CNNM2: variants seen among roughly 807,000 people sequenced by gnomAD.
CNNM2 encodes the protein metal transporter CNNM2.
CNNM2 carries 12 observed loss-of-function variants against 66.9 expected under a neutral mutation model. The ratio of observed to expected loss-of-function variants is 0.18; its 90% CI spans 0.11 to 0.29. The LOEUF (loss-of-function observed/expected upper bound fraction) is 0.29, where lower values mean the gene tolerates loss of function less well. Ranked by LOEUF, CNNM2 falls within the 10% of genes least tolerant of loss-of-function variation. The pLI is 1.00. For missense variants in CNNM2, 705 were observed against 1,167.7 expected, an observed-to-expected ratio of 0.60 and a Z score of 5.77; for synonymous variants, 557 against 501.8, an observed-to-expected ratio of 1.11 and a Z score of -1.47.
chr10:103,004,249 C>T (rs970069968), intron 1 of CNNM2, among the ~76,000 whole-genome samples: 7 of 152,134 alleles, frequency 4.6e-5, no homozygotes, highest in East Asian at 3.9e-4. Flanking sequence ...GTGATCTGCC[C>T]GCCTCAGCCT....
Position 103,084,380 on chromosome 10 carries a change from A to G in CNNM2, c.*7200A>G, listed in dbSNP as rs899760208. ...AACTACCGCTCCCATCTCCCCAGGT[A>G]TCGCCCAACTACCTGAAAGTAGAAT... On this transcript the variant is annotated 3_prime_UTR_variant, in exon 8 of 8. Transcript: ENST00000369878. 3.3e-5 allele frequency: 5 copies of G among 152,236 alleles called. No homozygotes were observed. The highest frequency in any genetic ancestry group is 1.2e-4 in the African/African-American group (5 of 41,458). The allele number at this position is 152,236 out of a possible 1,614,324, so 9.4% of individuals were successfully genotyped here. A position where few individuals can be genotyped will look rare whatever the true frequency, so the allele number is the denominator to read the frequency against.
intron 1 of CNNM2, among the ~76,000 whole-genome samples, chr10:103,000,569 T>C (rs1046540869): frequency 6.6e-6 from 1 of 152,204 alleles, no homozygotes; most frequent in East Asian, 1.9e-4. Flanking sequence ...TTCTTGTGCC[T>C]TTCCCTCCCA....
chr10:103,016,715 T>G (rs1427296514), intron 1 of CNNM2, among the ~76,000 whole-genome samples: 1 of 152,200 alleles, frequency 6.6e-6, no homozygotes, highest in African/African-American at 2.4e-5. Context: ...TTGTAATCAT[T>G]CAGTGCCTAC....
intron 1 of CNNM2, among the ~76,000 whole-genome samples, chr10:102,944,187 T>C (rs1286952181): frequency 6.6e-6 from 1 of 150,856 alleles, no homozygotes; most frequent in African/African-American, 2.4e-5. Context: ...CAAGCAATTC[T>C]CCTGTCTCAG....
At chr10:102,958,558 C>T (rs1040667805) in intron 1 of CNNM2, among the ~76,000 whole-genome samples, 1 of 148,694 alleles carries the variant, frequency 6.7e-6, no homozygotes. Flanking sequence ...GCAACCTCCG[C>T]CTCCCAGGTT....
intron 1 of CNNM2, among the ~76,000 whole-genome samples, chr10:103,039,664 C>CA (rs2065005451): frequency 1.3e-5 from 2 of 152,090 alleles, no homozygotes; most frequent in South Asian, 4.1e-4. Flanking sequence ...CAGGCATTCC[C>CA]ATAGCCTAGG....
chr10:102,934,275 C>CTTTTT (rs67622312), intron 1 of CNNM2, among the ~76,000 whole-genome samples: 12 of 135,356 alleles, frequency 8.9e-5, no homozygotes, highest in Non-Finnish European at 1.7e-4. Flanking sequence ...TTCTTTCTTT[C>CTTTTT]TTTCTTTTTT....
chr10:103,027,127 T>C (rs767763242), intron 1 of CNNM2, among the ~76,000 whole-genome samples: 2 of 152,208 alleles, frequency 1.3e-5, no homozygotes, highest in Non-Finnish European at 2.9e-5. Flanking sequence ...CCTCAGTCTT[T>C]GAGTCTTTCT....
chr10:103,002,978 A>G (rs2064151347), intron 1 of CNNM2, among the ~76,000 whole-genome samples: 1 of 152,212 alleles, frequency 6.6e-6, no homozygotes, highest in South Asian at 2.1e-4. Context: ...CATTATTTAT[A>G]ATACTTAAAA....
rs1206577839 is a variant in CNNM2, at chr10:102,976,425, C to CTTTTTTT, written c.1621+56344_1621+56350dup. Among the ~76,000 whole-genome samples, 27 of 34,720 alleles carry CTTTTTTT rather than the reference C, an allele frequency of 7.8e-4. 4 individuals are homozygous for CTTTTTTT. The highest frequency in any genetic ancestry group is 1.2e-3 in the Non-Finnish European group (24 of 19,636). The allele number at this position is 34,720 out of a possible 152,430, so 22.8% of individuals were successfully genotyped here. A position where few individuals can be genotyped will look rare whatever the true frequency, so the allele number is the denominator to read the frequency against. On this transcript the variant is annotated intron_variant, in intron 1 of 7. Coordinates refer to ENST00000369878, the MANE Select transcript of CNNM2 (RefSeq NM_017649.5). ...TTACAGTATCAGTTCCAATTCTTGC[C>CTTTTTTT]TTTTTTTTTTTTTTTTTTTTTTTTT...
intron 1 of CNNM2, among the ~76,000 whole-genome samples, chr10:102,971,618 T>A (rs1590330575): frequency 6.6e-6 from 1 of 152,064 alleles, no homozygotes; most frequent in Non-Finnish European, 1.5e-5. Context: ...AAAATGAAGG[T>A]TTTTCAGAAC....
chr10:103,058,721 A>G (rs972477903), intron 4 of CNNM2, among the ~76,000 whole-genome samples: 1 of 152,206 alleles, frequency 6.6e-6, no homozygotes, highest in Non-Finnish European at 1.5e-5. Flanking sequence ...GGGTTTTACA[A>G]GTAGTGTGTA....
At chr10:103,040,043 T>C (rs997427222) in intron 1 of CNNM2, among the ~76,000 whole-genome samples, 3 of 151,966 alleles carry the variant, frequency 2.0e-5, no homozygotes, top group African/African-American at 7.2e-5. Context: ...GGTGCATGCC[T>C]GTAATCTCAG....
At chr10:102,925,755 A>G (rs777701530) in intron 1 of CNNM2, among the ~76,000 whole-genome samples, 3 of 152,216 alleles carry the variant, frequency 2.0e-5, no homozygotes, top group Non-Finnish European at 4.4e-5. Context: ...CCTGGATTCA[A>G]GCAATTTTTG....
intron 4 of CNNM2, among the ~76,000 whole-genome samples, chr10:103,059,941 G>T (rs1302958386): frequency 6.6e-6 from 1 of 151,892 alleles, no homozygotes; most frequent in Non-Finnish European, 1.5e-5. Context: ...AAGTTTATCA[G>T]CCTGGGCTAC....
At chr10:102,951,118 G>T (rs190872438) in intron 1 of CNNM2, among the ~76,000 whole-genome samples, 3 of 150,644 alleles carry the variant, frequency 2.0e-5, no homozygotes, top group African/African-American at 4.9e-5. Flanking sequence ...CTCCCAAGTA[G>T]CTGGGACTAC....
rs904819205 is a variant in CNNM2 at position 102,968,087 on chromosome 10, A to G, written c.1621+47986A>G. On this transcript the variant is annotated intron_variant, in intron 1 of 7. Transcript: ENST00000369878. ...CATTTCTCTTGTGGAGATACTTAAGAGTGAAGTTTCTGGGTCATATAGTAA... is the reference window on the plus strand; with the variant it reads ...CATTTCTCTTGTGGAGATACTTAAGGGTGAAGTTTCTGGGTCATATAGTAA... Among the ~76,000 whole-genome samples, 6 of 151,168 alleles carry G rather than the reference A, an allele frequency of 4.0e-5. No individual in the cohort carries two copies. In the Admixed American group the frequency reaches 4.0e-4, roughly 10 times the overall value.
At position 102,985,893 on chromosome 10, in the gene CNNM2, G is replaced by T. The variant is rs112368598; in HGVS notation, c.1622-63814G>T. On this transcript the variant is annotated intron_variant, in intron 1 of 7. Coordinates refer to ENST00000369878, the MANE Select transcript of CNNM2 (RefSeq NM_017649.5). Reference sequence around the variant, plus strand: ...ATGGTTGGCATGTTCAGACTTCAGAGTATTATCCATCAGCTTGGAGACCCA... The same window carrying T: ...ATGGTTGGCATGTTCAGACTTCAGATTATTATCCATCAGCTTGGAGACCCA... Among the ~76,000 whole-genome samples, 704 of 152,306 alleles carry T rather than the reference G, an allele frequency of 4.6e-3. 3 individuals carry two copies. Among genetic ancestry groups the T allele is most frequent in the Admixed American group, 7.6e-3 (116 of 15,292 alleles).
At chr10:103,034,470 C>T (rs1650565651) in intron 1 of CNNM2, among the ~76,000 whole-genome samples, 1 of 152,150 alleles carries the variant, frequency 6.6e-6, no homozygotes, top group Non-Finnish European at 1.5e-5. Flanking sequence ...TTATTTAGCA[C>T]ATTGTCTGGG....
Sources: gnomAD v4.1 joint callset for allele counts (sites outside exome capture counted in the v4.1 genomes callset) on GRCh38, gnomAD v4.1.1 for gene constraint, MANE v1.5 for transcripts, NCBI Gene and HGNC (gene_info 2026-07-23, HGNC 2026-07-21) for gene names.